The following NRXN3 variants were observed in gnomAD, a reference collection of about 807,000 sequenced individuals.
NRXN3 encodes neurexin III.
In NRXN3, 32 loss-of-function variants were observed where a neutral mutation model predicts 137.6. That is an observed-to-expected ratio of 0.23 (90% CI 0.18 to 0.31). NRXN3 has a LOEUF of 0.31. Among genes scored for constraint, NRXN3 ranks in the 10% least tolerant of loss-of-function variants. The pLI is 1.00. For missense variants in NRXN3, 1,574 were observed against 2,062.5 expected (o/e 0.76, Z 4.59); for synonymous variants, 798 against 784.5 (o/e 1.02, Z -0.29).
intron 8 of NRXN3, among the ~76,000 whole-genome samples, chr14:78,733,327 A>G (rs943679754): frequency 2.0e-5 from 3 of 152,060 alleles, no homozygotes; most frequent in African/African-American, 4.8e-5. Context: ...AAACTTGACA[A>G]ATCCTTTTCT....
chr14:78,325,175 T>C (rs767488246), intron 4 of NRXN3, among the ~76,000 whole-genome samples: 26 of 151,832 alleles, frequency 1.7e-4, no homozygotes, highest in Admixed American at 5.9e-4. Context: ...GAGACAAAGG[T>C]CCAAGGCCGT....
intron 16 of NRXN3, among the ~76,000 whole-genome samples, chr14:79,590,543 C>T (rs1048763515): frequency 1.4e-4 from 22 of 151,862 alleles, no homozygotes; most frequent in African/African-American, 5.3e-4. Flanking sequence ...TCACATGTAC[C>T]CACAAATTAG....
At position 79,403,718 on chromosome 14, in the gene NRXN3, C is replaced by G. The variant is rs577231570; in HGVS notation, c.3263-63503C>G. On this transcript the variant is annotated intron_variant, in intron 15 of 20. Coordinates refer to ENST00000335750, the MANE Select transcript of NRXN3 (RefSeq NM_001330195.2). The stretch of plus-strand genomic sequence containing the variant: ...TTCCCTGTGCTGGTATAAATTTGAC[C>G]CTTGCATGTGAGTGATGGTGAGGGA... Among the ~76,000 whole-genome samples the G allele has an allele frequency of 2.6e-5, 4 of 152,084 alleles. No individual in the cohort carries two copies. In the South Asian group the frequency reaches 8.3e-4, roughly 32 times the overall value.
intron 17 of NRXN3, among the ~76,000 whole-genome samples, chr14:79,687,254 T>C (rs2098699184): frequency 6.6e-6 from 1 of 152,236 alleles, no homozygotes; most frequent in South Asian, 2.1e-4. Context: ...CCAAACATTC[T>C]AGATGGCCTT....
intron 3 of NRXN3, 78 bp from the exon 4 acceptor site, chr14:78,297,753 A>G: frequency 8.9e-7 from 1 of 1,122,514 alleles, no homozygotes; most frequent in South Asian, 1.3e-5. Flanking sequence ...TGCATTTGGG[A>G]TTTTAACTTT....
At chr14:79,021,831 G>A (rs1420139684) in intron 15 of NRXN3, among the ~76,000 whole-genome samples, 2 of 152,200 alleles carry the variant, frequency 1.3e-5, no homozygotes, top group Admixed American at 6.5e-5. Flanking sequence ...CATACAATGA[G>A]TGAAGAATGT....
At chr14:79,568,761 G>C (rs1364542592) in intron 16 of NRXN3, among the ~76,000 whole-genome samples, 1 of 152,164 alleles carries the variant, frequency 6.6e-6, no homozygotes, top group African/African-American at 2.4e-5. Flanking sequence ...TTCCACTGCT[G>C]TTCTCTATAT....
intron 4 of NRXN3, among the ~76,000 whole-genome samples, chr14:78,444,227 A>C (rs992579279): frequency 6.6e-6 from 1 of 152,238 alleles, no homozygotes; most frequent in African/African-American, 2.4e-5. Context: ...GATGACATGA[A>C]TAGTGATATT....
intron 1 of NRXN3, among the ~76,000 whole-genome samples, chr14:78,199,229 A>G (rs975918877): frequency 1.3e-5 from 2 of 152,054 alleles, no homozygotes; most frequent in East Asian, 3.9e-4. Context: ...GGATAAGGAG[A>G]AAGTGGGCAC....
chr14:79,191,470 G>C (rs1456051895), intron 15 of NRXN3, among the ~76,000 whole-genome samples: 1 of 152,172 alleles, frequency 6.6e-6, no homozygotes, highest in East Asian at 1.9e-4. Flanking sequence ...TGTAATTGGG[G>C]ATCTGTCTGG....
intron 10 of NRXN3, among the ~76,000 whole-genome samples, chr14:78,883,195 A>G (rs949890932): frequency 1.3e-5 from 2 of 152,198 alleles, no homozygotes; most frequent in Non-Finnish European, 2.9e-5. Flanking sequence ...GCAGTGTGAG[A>G]ATAAACTAAT....
At chr14:79,692,335 T>A in intron 18 of NRXN3, 73 bp downstream of exon 18, 1 of 1,135,400 alleles carries the variant, frequency 8.8e-7, no homozygotes. Flanking sequence ...TGCAAATAAA[T>A]GTTCCTTAAA....
chr14:79,547,411 G>A (rs2097331423), intron 16 of NRXN3, among the ~76,000 whole-genome samples: 1 of 152,148 alleles, frequency 6.6e-6, no homozygotes, highest in African/African-American at 2.4e-5. Context: ...CACATGATAT[G>A]CTGAAAACTG....
intron 10 of NRXN3, among the ~76,000 whole-genome samples, chr14:78,890,956 C>A (rs1434256293): frequency 2.6e-5 from 4 of 151,748 alleles, no homozygotes; most frequent in Non-Finnish European, 5.9e-5. Flanking sequence ...ATTTTGCTCC[C>A]AAAATATGCT....
At chr14:78,973,486 C>T (rs1382484915) in intron 14 of NRXN3, among the ~76,000 whole-genome samples, 2 of 152,116 alleles carry the variant, frequency 1.3e-5, no homozygotes, top group African/African-American at 4.8e-5. Flanking sequence ...TAAAATGTTT[C>T]AGAGATTTAT....
intron 15 of NRXN3, among the ~76,000 whole-genome samples, chr14:79,385,204 T>TCCCCCCCCCCC (rs557799323): frequency 6.0e-4 from 54 of 90,482 alleles, no homozygotes; most frequent in South Asian, 9.5e-4. Flanking sequence ...ATGCTATCCT[T>TCCCCCCCCCCC]CCCCCCGCCC....
chr14:79,225,401 A>G (rs2153236630), intron 15 of NRXN3, among the ~76,000 whole-genome samples: 1 of 152,166 alleles, frequency 6.6e-6, no homozygotes, highest in East Asian at 1.9e-4. Context: ...GCTCAATGTT[A>G]CTCTGAGTTT....
At chr14:78,663,374 C>T (rs1444559604) in intron 6 of NRXN3, among the ~76,000 whole-genome samples, 2 of 152,170 alleles carry the variant, frequency 1.3e-5, no homozygotes, top group Non-Finnish European at 2.9e-5. Context: ...TTTCTTTCAC[C>T]TTGCCATTGA....
chr14:78,244,246 A>C (rs972614360), intron 2 of NRXN3, among the ~76,000 whole-genome samples: 1 of 152,166 alleles, frequency 6.6e-6, no homozygotes, highest in African/African-American at 2.4e-5. Context: ...CCTGGCCAAC[A>C]TGATGAAACC....
Sources: allele counts gnomAD v4.1 joint callset (sites outside exome capture counted in the v4.1 genomes callset), GRCh38; gene constraint gnomAD v4.1.1; transcripts MANE v1.5; gene names NCBI Gene and HGNC (gene_info 2026-07-23, HGNC 2026-07-21).